Variants in ADGRB3 observed in about 807,000 individuals in gnomAD.
ADGRB3 encodes the protein brain-specific angiogenesis inhibitor 3.
In ADGRB3, 37 loss-of-function variants were observed where a neutral mutation model predicts 193.4. The observed-to-expected ratio is 0.19, with a 90% CI of 0.15 to 0.25. The LOEUF is 0.25. ADGRB3 is among the 10% of genes least tolerant of loss of function. The probability of loss-of-function intolerance (pLI) is 1.00; values close to 1 mark genes in which losing one functional copy is unlikely to be tolerated. For synonymous variants in ADGRB3, 690 were observed against 644.2 expected, an observed-to-expected ratio of 1.07 and a Z score of -1.08; for missense variants, 1,637 against 1,852.9, an observed-to-expected ratio of 0.88 and a Z score of 2.14.
intron 17 of ADGRB3, among the ~76,000 whole-genome samples, chr6:69,111,212 A>G (rs1207055899): frequency 3.3e-5 from 5 of 152,198 alleles, no homozygotes; most frequent in African/African-American, 1.2e-4. Context: ...GAATAATAGC[A>G]CAACCATTCT....
At chr6:68,830,194 A>G (rs1331453515) in intron 3 of ADGRB3, among the ~76,000 whole-genome samples, 4 of 152,160 alleles carry the variant, frequency 2.6e-5, no homozygotes, top group Non-Finnish European at 5.9e-5. Flanking sequence ...AGCAAGTATT[A>G]TTTTTGACAT....
intron 3 of ADGRB3, among the ~76,000 whole-genome samples, chr6:68,929,174 C>T (rs1328128794): frequency 6.6e-6 from 1 of 152,130 alleles, no homozygotes; most frequent in Non-Finnish European, 1.5e-5. Context: ...GAATCAGCTA[C>T]AGTGTAGGAT....
intron 22 of ADGRB3, 140 bp downstream of exon 22, chr6:69,328,029 G>T: frequency 1.7e-6 from 1 of 588,868 alleles, no homozygotes; most frequent in Non-Finnish European, 2.7e-6. Flanking sequence ...AACAAAACAA[G>T]GTAGCTTAAA....
At chr6:68,836,697 G>A (rs1292707254) in intron 3 of ADGRB3, among the ~76,000 whole-genome samples, 1 of 152,118 alleles carries the variant, frequency 6.6e-6, no homozygotes, top group African/African-American at 2.4e-5. Flanking sequence ...TTACTTAGAA[G>A]TGAAACGTTG....
chr6:69,176,428 T>A (rs1490088061), intron 17 of ADGRB3, among the ~76,000 whole-genome samples: 1 of 152,232 alleles, frequency 6.6e-6, no homozygotes, highest in Non-Finnish European at 1.5e-5. Flanking sequence ...GTTTATGTGA[T>A]GAATCTCATG....
chr6:69,364,751 A>G (rs1455053239), intron 29 of ADGRB3, among the ~76,000 whole-genome samples: 2 of 152,118 alleles, frequency 1.3e-5, no homozygotes, highest in African/African-American at 4.8e-5. Context: ...TAAGGTTAAG[A>G]AGAATGATAT....
intron 3 of ADGRB3, among the ~76,000 whole-genome samples, chr6:68,753,815 A>G (rs1766248323): frequency 6.6e-6 from 1 of 152,198 alleles, no homozygotes; most frequent in Non-Finnish European, 1.5e-5. Flanking sequence ...GCAGGACACC[A>G]TGACCAATTT....
intron 20 of ADGRB3, among the ~76,000 whole-genome samples, chr6:69,294,525 C>T (rs1161633424): frequency 6.6e-6 from 1 of 152,074 alleles, no homozygotes; most frequent in Non-Finnish European, 1.5e-5. Flanking sequence ...TGATGGCAAG[C>T]TGCAGCCTTT....
chr6:69,260,015 G>T lies in ADGRB3; in HGVS notation c.2814+20789G>T, dbSNP rs7757298. ...GTAATCAAAAACCATTTTTACATAG[G>T]GATACCTTGTGTAAAGTCTGTTTTA... On this transcript the variant is annotated intron_variant, in intron 20 of 31. Transcript: ENST00000370598. Among the ~76,000 whole-genome samples the T allele has an allele frequency of 3.2e-3, 493 of 152,152 alleles. 1 individual carries two copies. Among genetic ancestry groups the T allele is most frequent in the African/African-American group, 0.011 (466 of 41,522 alleles).
intron 17 of ADGRB3, among the ~76,000 whole-genome samples, chr6:69,106,142 G>T (rs1365939975): frequency 8.5e-6 from 1 of 118,142 alleles, no homozygotes; most frequent in African/African-American, 3.0e-5. Flanking sequence ...CTGGGCAACA[G>T]GCTTTTTCTG....
At chr6:68,914,658 A>T (rs1041388908) in intron 3 of ADGRB3, among the ~76,000 whole-genome samples, 3 of 152,224 alleles carry the variant, frequency 2.0e-5, no homozygotes, top group Non-Finnish European at 4.4e-5. Flanking sequence ...TAACCAGCTA[A>T]CATCATAATG....
chr6:69,303,223 T>G (rs968215984), intron 20 of ADGRB3, among the ~76,000 whole-genome samples: 3 of 150,876 alleles, frequency 2.0e-5, no homozygotes, highest in African/African-American at 7.3e-5. Flanking sequence ...AGATGAACAC[T>G]GAAACTAAAG....
intron 17 of ADGRB3, among the ~76,000 whole-genome samples, chr6:69,135,830 A>G (rs940994072): frequency 5.9e-5 from 9 of 152,144 alleles, no homozygotes; most frequent in Non-Finnish European, 1.3e-4. Context: ...CAAGTGTTGA[A>G]TTTGGAAAAG....
chr6:68,859,557 A>G (rs1412950298), intron 3 of ADGRB3, among the ~76,000 whole-genome samples: 1 of 152,244 alleles, frequency 6.6e-6, no homozygotes, highest in Non-Finnish European at 1.5e-5. Flanking sequence ...AATTATGGCT[A>G]AAGACAAAGG....
chr6:69,122,787 A>G (rs1773749429), intron 17 of ADGRB3, among the ~76,000 whole-genome samples: 1 of 152,112 alleles, frequency 6.6e-6, no homozygotes, highest in Non-Finnish European at 1.5e-5. Flanking sequence ...AGGAGGCTTC[A>G]AACATATAAA....
At chr6:68,940,684 G>A (rs1364603654) in intron 5 of ADGRB3, among the ~76,000 whole-genome samples, 1 of 151,466 alleles carries the variant, frequency 6.6e-6, no homozygotes, top group Non-Finnish European at 1.5e-5. Context: ...AGGATCACCT[G>A]AAGTAGAGAC....
At chr6:68,747,783 T>A (rs914534608) in intron 3 of ADGRB3, among the ~76,000 whole-genome samples, 1 of 152,162 alleles carries the variant, frequency 6.6e-6, no homozygotes, top group African/African-American at 2.4e-5. Flanking sequence ...GCCCTTAAGT[T>A]ATCATTTGGC....
intron 17 of ADGRB3, among the ~76,000 whole-genome samples, chr6:69,202,628 A>G (rs1354262313): frequency 1.3e-5 from 2 of 152,186 alleles, no homozygotes; most frequent in Admixed American, 6.6e-5. Flanking sequence ...TGAGATTTCA[A>G]GTAATATTTA....
chr6:69,009,334 C>T (rs191110450), intron 11 of ADGRB3, among the ~76,000 whole-genome samples: 31 of 151,946 alleles, frequency 2.0e-4, no homozygotes, highest in Admixed American at 2.0e-3. Context: ...TCTCATAAGG[C>T]CTTTTGAGGA....
Sources: gnomAD v4.1 joint callset for allele counts (sites outside exome capture counted in the v4.1 genomes callset) on GRCh38, gnomAD v4.1.1 for gene constraint, MANE v1.5 for transcripts, NCBI Gene and HGNC (gene_info 2026-07-23, HGNC 2026-07-21) for gene names.